DIAPH2: variants seen among roughly 807,000 people sequenced by gnomAD.
DIAPH2 encodes the protein diaphanous related formin 2.
DIAPH2 carries 35 observed loss-of-function variants against 92.7 expected under a neutral mutation model. The observed-to-expected ratio is 0.38, with a 90% CI of 0.29 to 0.50. The LOEUF (loss-of-function observed/expected upper bound fraction) is 0.50, where lower values mean the gene tolerates loss of function less well. DIAPH2 is among the 20% of genes least tolerant of loss of function. The probability of loss-of-function intolerance (pLI) is 0.94; values close to 1 mark genes in which losing one functional copy is unlikely to be tolerated. For missense variants in DIAPH2, 701 were observed against 819.5 expected, an observed-to-expected ratio of 0.86 and a Z score of 1.77; for synonymous variants, 301 against 280.4, an observed-to-expected ratio of 1.07 and a Z score of -0.73.
intron 5 of DIAPH2, among the ~76,000 whole-genome samples, chrX:96,886,911 C>CT (rs55653485): frequency 0.46 from 47,496 of 103,771 alleles, 9,281 homozygotes; most frequent in African/African-American, 0.7. Context: ...GAAAAAAACT[C>CT]TTTTTTTTTT....
chrX:96,959,527 T>C (rs2065833511), intron 16 of DIAPH2, among the ~76,000 whole-genome samples: 1 of 112,212 alleles, frequency 8.9e-6, no homozygotes, highest in Admixed American at 9.4e-5. Context: ...TATTAGTCCA[T>C]TGTTGGATAG....
chrX:96,850,285 C>T lies in DIAPH2; in HGVS notation c.448-31294C>T, dbSNP rs149575495. 4.7e-3 allele frequency among the ~76,000 whole-genome samples: 530 copies of T among 111,758 alleles called. 11 individuals carry two copies. The East Asian group carries it at 0.079, about 17-fold the overall frequency. On this transcript the variant is annotated intron_variant, in intron 4 of 26. Transcript: ENST00000324765. ...TACAATCTAGAGATAGATTAACTGG[C>T]TAGATGATGATGATAATAATAATAG...
chrX:96,801,789 A>G (rs1219840376), intron 4 of DIAPH2, among the ~76,000 whole-genome samples: 1 of 111,914 alleles, frequency 8.9e-6, no homozygotes, highest in Non-Finnish European at 1.9e-5. Context: ...AAAATACTGA[A>G]GTATATGCAT....
intron 25 of DIAPH2, among the ~76,000 whole-genome samples, chrX:97,395,097 A>G (rs2069692787): frequency 8.9e-6 from 1 of 112,065 alleles, no homozygotes; most frequent in Admixed American, 9.5e-5. Context: ...GCATGTAATA[A>G]GTGTTAAATG....
At chrX:97,486,553 G>C (rs1395403354) in intron 26 of DIAPH2, among the ~76,000 whole-genome samples, 1 of 111,680 alleles carries the variant, frequency 9.0e-6, no homozygotes, top group Admixed American at 9.5e-5. Flanking sequence ...TGTGCTACCT[G>C]TGGCCATTCT....
intron 23 of DIAPH2, among the ~76,000 whole-genome samples, chrX:97,297,605 T>C (rs1223290648): frequency 3.2e-5 from 1 of 30,931 alleles, no homozygotes; most frequent in Admixed American, 3.8e-4. Context: ...TTTAGTGCAC[T>C]TTTTTTTTTT....
intron 5 of DIAPH2, among the ~76,000 whole-genome samples, chrX:96,894,974 A>ATTTTTTTTTTTTTTTTT (rs766131166): frequency 1.7e-5 from 1 of 59,531 alleles, no homozygotes; most frequent in Non-Finnish European, 3.1e-5. Flanking sequence ...GTTTTTCTTA[A>ATTTTTTTTTTTTTTTTT]TTTTTTTTTT....
rs750953364 is a variant in DIAPH2 at position 96,738,775 on chromosome X, C to A, written c.342+13C>A. The A allele has an allele frequency of 8.5e-7, 1 of 1,174,103 alleles. No homozygotes were observed. The highest frequency in any genetic ancestry group is 1.8e-5 in the African/African-American group (1 of 55,970). On this transcript the variant is annotated intron_variant, in intron 3 of 26. Transcript: ENST00000324765. ...TGAAAAAATGATGGTAAGTTATACC[C>A]CTAATTTTGATGTAATTTTAAAATG...
chrX:97,176,344 A>G (rs1183273379), intron 22 of DIAPH2, among the ~76,000 whole-genome samples: 1 of 111,561 alleles, frequency 9.0e-6, no homozygotes, highest in African/African-American at 3.2e-5. Context: ...TTTAAAAAGC[A>G]TGTATTATAC....
At chrX:96,781,954 TAATA>T (rs2064420933) in intron 4 of DIAPH2, among the ~76,000 whole-genome samples, 1 of 111,699 alleles carries the variant, frequency 9.0e-6, no homozygotes, top group South Asian at 3.7e-4. Flanking sequence ...GAAATAAAAT[TAATA>T]CTGTTGAAAG....
chrX:96,798,544 G>A (rs1295240703), intron 4 of DIAPH2, among the ~76,000 whole-genome samples: 1 of 110,313 alleles, frequency 9.1e-6, no homozygotes, highest in Admixed American at 9.7e-5. Context: ...CTGTTTTAAA[G>A]TGCTTACCTG....
chrX:97,496,175 T>TG, intron 26 of DIAPH2, among the ~76,000 whole-genome samples: 1 of 86,814 alleles, frequency 1.2e-5, no homozygotes, highest in African/African-American at 4.2e-5. Context: ...TACCTTTTTT[T>TG]TTTTTTTTTT....
At chrX:96,696,913 A>G (rs1382441731) in intron 1 of DIAPH2, among the ~76,000 whole-genome samples, 1 of 112,150 alleles carries the variant, frequency 8.9e-6, no homozygotes, top group Non-Finnish European at 1.9e-5. Flanking sequence ...TATTCATTGC[A>G]AAAGCAGTAG....
At chrX:96,799,216 C>G (rs751834004) in intron 4 of DIAPH2, among the ~76,000 whole-genome samples, 7 of 111,431 alleles carry the variant, frequency 6.3e-5, no homozygotes, top group African/African-American at 2.0e-4. Context: ...ATGTGTACTT[C>G]CACACACAAA....
intron 2 of DIAPH2, 59 bp from the exon 3 acceptor site, chrX:96,738,527 A>G: frequency 7.1e-6 from 7 of 982,964 alleles, no homozygotes; most frequent in Non-Finnish European, 9.7e-6. Flanking sequence ...TCAATTCTTC[A>G]TGTTAGTAGT....
intron 24 of DIAPH2, among the ~76,000 whole-genome samples, chrX:97,363,029 T>A (rs959531950): frequency 3.6e-5 from 4 of 112,616 alleles, no homozygotes; most frequent in Admixed American, 2.8e-4. Flanking sequence ...CAGCCATGTA[T>A]CCTTATGTGA....
intron 20 of DIAPH2, among the ~76,000 whole-genome samples, chrX:97,100,476 A>G (rs1431226806): frequency 8.9e-6 from 1 of 111,807 alleles, no homozygotes; most frequent in African/African-American, 3.2e-5. Context: ...CCCCAAACTG[A>G]CTATTCAAAT....
intron 20 of DIAPH2, among the ~76,000 whole-genome samples, chrX:97,114,291 A>G (rs2067002851): frequency 8.9e-6 from 1 of 112,068 alleles, no homozygotes; most frequent in African/African-American, 3.2e-5. Flanking sequence ...AGTAATAGGT[A>G]ATTTCTTAGG....
At chrX:97,291,659 A>G in intron 23 of DIAPH2, among the ~76,000 whole-genome samples, 1 of 108,382 alleles carries the variant, frequency 9.2e-6, no homozygotes, top group Non-Finnish European at 1.9e-5. Flanking sequence ...CAGCCTCCCA[A>G]GTAGCTGAGA....
Sources: allele counts gnomAD v4.1 joint callset (sites outside exome capture counted in the v4.1 genomes callset), GRCh38; gene constraint gnomAD v4.1.1; transcripts MANE v1.5; gene names NCBI Gene and HGNC (gene_info 2026-07-23, HGNC 2026-07-21).